Variants in SPAG17 observed in about 807,000 individuals in gnomAD.
SPAG17 encodes the protein sperm-associated antigen 17.
In SPAG17, 169 loss-of-function variants were observed where a neutral mutation model predicts 273.6. That is an observed-to-expected ratio of 0.62 (90% CI 0.55 to 0.70). SPAG17 has a LOEUF of 0.70. Ranked by LOEUF, SPAG17 falls within the 30% of genes least tolerant of loss-of-function variation. The probability of loss-of-function intolerance (pLI) is 0.00; values close to 1 mark genes in which losing one functional copy is unlikely to be tolerated. For missense variants in SPAG17, 2,557 were observed against 2,627.8 expected, an observed-to-expected ratio of 0.97 and a Z score of 0.59; for synonymous variants, 825 against 873.2, an observed-to-expected ratio of 0.94 and a Z score of 0.97.
At chr1:118,128,386 T>G (rs1424224012) in intron 3 of SPAG17, among the ~76,000 whole-genome samples, 1 of 152,160 alleles carries the variant, frequency 6.6e-6, no homozygotes, top group Non-Finnish European at 1.5e-5. Flanking sequence ...TTGATACCCT[T>G]TATTTCTTTC....
chr1:118,002,254 A>T (rs1484635499), intron 32 of SPAG17, among the ~76,000 whole-genome samples: 1 of 152,190 alleles, frequency 6.6e-6, no homozygotes, highest in Non-Finnish European at 1.5e-5. Context: ...TACGTGGTCA[A>T]TTGTAAAATA....
At chr1:118,085,531 C>CGTGCGTGCATACGCGTGT (rs752141039) in intron 13 of SPAG17, among the ~76,000 whole-genome samples, 1 of 151,570 alleles carries the variant, frequency 6.6e-6, no homozygotes, top group Non-Finnish European at 1.5e-5. Flanking sequence ...CATACGCGTG[C>CGTGCGTGCATACGCGTGT]GCGCGCGCAC....
intron 24 of SPAG17, 101 bp from the exon 25 acceptor site, chr1:118,031,968 A>C (rs930749895): frequency 4.1e-5 from 36 of 877,058 alleles, no homozygotes; most frequent in Non-Finnish European, 5.9e-5. Flanking sequence ...AGTTGACAAC[A>C]ATTTTTACCT....
At chr1:118,108,795 C>T (rs986278065) in intron 4 of SPAG17, among the ~76,000 whole-genome samples, 6 of 151,706 alleles carry the variant, frequency 4.0e-5, no homozygotes, top group African/African-American at 7.3e-5. Flanking sequence ...ATTTCTTAAC[C>T]GGTTAAGTTA....
At chr1:118,131,922 C>G (rs929312422) in intron 3 of SPAG17, among the ~76,000 whole-genome samples, 2 of 152,190 alleles carry the variant, frequency 1.3e-5, no homozygotes, top group African/African-American at 4.8e-5. Context: ...TTTAAGGATT[C>G]CCCTTGCCAT....
At chr1:118,178,302 A>G (rs995254716) in intron 1 of SPAG17, among the ~76,000 whole-genome samples, 2 of 152,164 alleles carry the variant, frequency 1.3e-5, no homozygotes, top group Non-Finnish European at 2.9e-5. Flanking sequence ...ATGTAAATCA[A>G]GAAACATGAT....
At chr1:117,981,919 G>A (rs1417087174) in intron 42 of SPAG17, among the ~76,000 whole-genome samples, 3 of 152,220 alleles carry the variant, frequency 2.0e-5, no homozygotes, top group Non-Finnish European at 4.4e-5. Flanking sequence ...GTTTGTGTGT[G>A]TGCCAACCCT....
intron 43 of SPAG17, among the ~76,000 whole-genome samples, chr1:117,979,019 C>A (rs1287424391): frequency 6.6e-6 from 1 of 152,108 alleles, no homozygotes; most frequent in African/African-American, 2.4e-5. Flanking sequence ...AGGTGCATGC[C>A]ACCATGCCTG....
intron 4 of SPAG17, among the ~76,000 whole-genome samples, chr1:118,112,461 G>A (rs1322304473): frequency 1.3e-5 from 2 of 151,926 alleles, no homozygotes; most frequent in Non-Finnish European, 2.9e-5. Flanking sequence ...CAAATGTTGC[G>A]ATAAGGATGT....
At chr1:117,993,981 G>A (rs575329060) in intron 35 of SPAG17, among the ~76,000 whole-genome samples, 3 of 152,156 alleles carry the variant, frequency 2.0e-5, no homozygotes, top group East Asian at 1.9e-4. Context: ...TGGTCAGTTC[G>A]TGCATTTTTA....
At chr1:117,973,772 C>A (rs528178592) in intron 43 of SPAG17, among the ~76,000 whole-genome samples, 1 of 152,106 alleles carries the variant, frequency 6.6e-6, no homozygotes, top group South Asian at 2.1e-4. Context: ...GATCATGCTG[C>A]CCAAATAGTG....
At chr1:118,141,393 A>T (rs888890170) in intron 3 of SPAG17, among the ~76,000 whole-genome samples, 6 of 152,212 alleles carry the variant, frequency 3.9e-5, no homozygotes, top group Non-Finnish European at 8.8e-5. Flanking sequence ...ATCAAGTTTT[A>T]AAAAAATAAG....
intron 15 of SPAG17, 126 bp from the exon 16 acceptor site, chr1:118,074,726 G>T: frequency 1.2e-6 from 1 of 831,028 alleles, no homozygotes; most frequent in East Asian, 2.5e-5. Flanking sequence ...TGCCTGAAAG[G>T]CATGTTTTGT....
chr1:118,101,565 C>T (rs558065400), intron 5 of SPAG17, among the ~76,000 whole-genome samples, 175 bp downstream of exon 5: 1 of 152,170 alleles, frequency 6.6e-6, no homozygotes, highest in Non-Finnish European at 1.5e-5. Flanking sequence ...CTGCTCCAAT[C>T]GCATCACAGT....
intron 38 of SPAG17, 106 bp downstream of exon 38, chr1:117,990,755 T>C (rs1656982351): frequency 1.4e-6 from 1 of 698,044 alleles, no homozygotes; most frequent in African/African-American, 1.9e-5. Context: ...TGGAGATATG[T>C]ACATGGTGTC....
intron 20 of SPAG17, among the ~76,000 whole-genome samples, chr1:118,046,004 A>G (rs1243598099): frequency 6.6e-6 from 1 of 152,228 alleles, no homozygotes; most frequent in African/African-American, 2.4e-5. Context: ...ACAAATGGTA[A>G]GCACGGAGAC....
At chr1:118,085,792 A>AT (rs1214750666) in intron 13 of SPAG17, 130 bp downstream of exon 13, 1 of 826,968 alleles carries the variant, frequency 1.2e-6, no homozygotes, top group Non-Finnish European at 1.8e-6. Flanking sequence ...GTCAATCAAA[A>AT]TACCCACCTT....
intron 34 of SPAG17, among the ~76,000 whole-genome samples, chr1:117,995,326 A>G (rs775335848): frequency 1.3e-5 from 2 of 152,004 alleles, no homozygotes; most frequent in Non-Finnish European, 2.9e-5. Flanking sequence ...GTGTGACTTT[A>G]TAGTTAACAT....
chr1:117,972,981 C>G (rs1398185447), intron 44 of SPAG17, among the ~76,000 whole-genome samples: 1 of 152,146 alleles, frequency 6.6e-6, no homozygotes. Context: ...CATGCTAAGT[C>G]ATTTGGATTT....
Sources: gnomAD v4.1 joint callset for allele counts (sites outside exome capture counted in the v4.1 genomes callset) on GRCh38, gnomAD v4.1.1 for gene constraint, MANE v1.5 for transcripts, NCBI Gene and HGNC (gene_info 2026-07-23, HGNC 2026-07-21) for gene names.